The following FGGY variants were observed in gnomAD, a reference collection of about 807,000 sequenced individuals.
FGGY encodes the protein FGGY carbohydrate kinase domain-containing protein.
A neutral mutation model predicts 71.3 loss-of-function variants in FGGY; 72 were observed. The ratio of observed to expected loss-of-function variants is 1.01; its 90% CI spans 0.84 to 1.23. The LOEUF is 1.23. Ranked by LOEUF, FGGY falls within the 50% of genes most tolerant of loss-of-function variation. The pLI, the probability that FGGY is intolerant of heterozygous loss-of-function variation, is 0.00. For missense variants in FGGY, 668 were observed against 682.3 expected (o/e 0.98, Z 0.23); for synonymous variants, 251 against 250.3 (o/e 1.00, Z -0.02).
chr1:59,417,519 T>A (rs1295245822), intron 5 of FGGY, among the ~76,000 whole-genome samples: 1 of 152,220 alleles, frequency 6.6e-6, no homozygotes, highest in African/African-American at 2.4e-5. Context: ...TGAGGAAATG[T>A]CAAACTGTTT....
At chr1:59,324,265 A>G in intron 2 of FGGY, among the ~76,000 whole-genome samples, 1 of 109,434 alleles carries the variant, frequency 9.1e-6, no homozygotes, top group East Asian at 2.6e-4. Context: ...TATAATAACT[A>G]CTTTTTTTTT....
At chr1:59,547,639 A>C (rs1038982891) in intron 7 of FGGY, among the ~76,000 whole-genome samples, 1 of 152,204 alleles carries the variant, frequency 6.6e-6, no homozygotes. Context: ...TAATATTTGC[A>C]AAGTGTCAAG....
Position 59,321,730 on chromosome 1 carries a change from G to A in FGGY, c.181G>A (p.Ala61Thr). Residue 61 changes from alanine (A) to threonine (T), a missense_variant, in exon 2 of 16, where the codon GCG becomes ACG. Ala to Thr is a moderately conservative substitution (Grantham distance 58). This residue lies in a region of FGGY where 661 missense variants were observed against 661.6 expected (regional missense o/e 1.00). Coordinates refer to ENST00000303721, the MANE Select transcript of FGGY (RefSeq NM_018291.5). ...GCAGTCCTCCGAGGACATCTGGGCT[G>A]CGTGCTGTGTTGTCACAAAGGTATG... ...HEQSSEDIWA[A>T]CCVVTKKVVQ... 1 of 1,611,488 alleles carries A rather than the reference G, an allele frequency of 6.2e-7. No homozygotes were observed. The highest frequency in any genetic ancestry group is 8.5e-7 in the Non-Finnish European group (1 of 1,178,998).
intron 14 of FGGY, among the ~76,000 whole-genome samples, chr1:59,753,242 G>A (rs893653363): frequency 2.6e-5 from 4 of 151,896 alleles, no homozygotes; most frequent in Non-Finnish European, 4.4e-5. Flanking sequence ...ATATTGTTAT[G>A]TTGTGGTAAT....
At chr1:59,501,658 A>T (rs2094227069) in intron 6 of FGGY, among the ~76,000 whole-genome samples, 1 of 152,216 alleles carries the variant, frequency 6.6e-6, no homozygotes, top group Non-Finnish European at 1.5e-5. Context: ...TTGTTCTTAA[A>T]ATAACTCTAA....
At chr1:59,346,638 C>T (rs182570425) in intron 4 of FGGY, among the ~76,000 whole-genome samples, 3 of 152,086 alleles carry the variant, frequency 2.0e-5, no homozygotes, top group East Asian at 1.9e-4. Context: ...TGAAGGCCAA[C>T]GACCCTATGA....
chr1:59,463,709 G>A (rs1210003986), intron 6 of FGGY, among the ~76,000 whole-genome samples: 1 of 149,476 alleles, frequency 6.7e-6, no homozygotes, highest in Non-Finnish European at 1.5e-5. Context: ...GGCAGGGGTT[G>A]CAATCCTTGT....
At chr1:59,459,183 A>C (rs1179898484) in intron 6 of FGGY, among the ~76,000 whole-genome samples, 1 of 152,210 alleles carries the variant, frequency 6.6e-6, no homozygotes, top group Non-Finnish European at 1.5e-5. Flanking sequence ...CACCTCAGCA[A>C]CTGATGGTCT....
At chr1:59,666,005 G>A (rs1265630501) in intron 12 of FGGY, among the ~76,000 whole-genome samples, 1 of 152,096 alleles carries the variant, frequency 6.6e-6, no homozygotes, top group African/African-American at 2.4e-5. Flanking sequence ...GCTAAACTCC[G>A]ATTCTTCTTG....
chr1:59,694,741 G>C (rs534613562), intron 14 of FGGY, among the ~76,000 whole-genome samples: 6 of 151,230 alleles, frequency 4.0e-5, no homozygotes, highest in African/African-American at 1.5e-4. Flanking sequence ...GCCCAGGCTG[G>C]ACTCTAATTC....
intron 6 of FGGY, among the ~76,000 whole-genome samples, chr1:59,463,234 A>C (rs2092380702): frequency 1.3e-5 from 2 of 152,366 alleles, no homozygotes; most frequent in South Asian, 4.1e-4. Context: ...AGAATTTTCA[A>C]CACAGAATTT....
chr1:59,446,763 TG>T (rs2071361504), intron 5 of FGGY, among the ~76,000 whole-genome samples: 1 of 152,212 alleles, frequency 6.6e-6, no homozygotes, highest in African/African-American at 2.4e-5. Flanking sequence ...TGTTCTTCAC[TG>T]GCTGGTTCGA....
intron 14 of FGGY, among the ~76,000 whole-genome samples, chr1:59,757,338 C>T (rs1414445429): frequency 6.6e-6 from 1 of 152,138 alleles, no homozygotes; most frequent in Non-Finnish European, 1.5e-5. Flanking sequence ...GCCTGAGTGC[C>T]CCATTGTAAA....
At chr1:59,758,409 A>C (rs573811476) in intron 15 of FGGY, among the ~76,000 whole-genome samples, 2 of 152,236 alleles carry the variant, frequency 1.3e-5, no homozygotes, top group African/African-American at 2.4e-5. Context: ...ATATTAGTTT[A>C]CTGAATTCCT....
chr1:59,447,700 G>A (rs1362593705), intron 5 of FGGY, among the ~76,000 whole-genome samples: 1 of 152,144 alleles, frequency 6.6e-6, no homozygotes, highest in Non-Finnish European at 1.5e-5. Context: ...CCTTTCACTT[G>A]GTTCTCCTCC....
chr1:59,510,758 C>T (rs1007506940), intron 6 of FGGY, among the ~76,000 whole-genome samples: 10 of 152,182 alleles, frequency 6.6e-5, no homozygotes, highest in South Asian at 4.1e-4. Context: ...ATTCATTTTT[C>T]CAGATGAAAT....
At chr1:59,734,444 T>A (rs950639933) in intron 14 of FGGY, among the ~76,000 whole-genome samples, 1 of 152,154 alleles carries the variant, frequency 6.6e-6, no homozygotes, top group Non-Finnish European at 1.5e-5. Flanking sequence ...GCTCAAGCAA[T>A]CCACCCACCT....
intron 7 of FGGY, among the ~76,000 whole-genome samples, chr1:59,517,656 C>T (rs1333484142): frequency 2.6e-5 from 4 of 152,134 alleles, no homozygotes; most frequent in Admixed American, 6.5e-5. Context: ...CTGTGTCTTG[C>T]GCTTGCAGGT....
At chr1:59,696,495 GC>G (rs1385272252) in intron 14 of FGGY, among the ~76,000 whole-genome samples, 2 of 152,186 alleles carry the variant, frequency 1.3e-5, no homozygotes, top group Non-Finnish European at 1.5e-5. Flanking sequence ...GTATAAAAGT[GC>G]CTCATGCATA....
Sources: allele counts gnomAD v4.1 joint callset (sites outside exome capture counted in the v4.1 genomes callset), GRCh38; gene constraint gnomAD v4.1.1; regional missense constraint gnomAD v4.1.1; transcripts MANE v1.5; gene names NCBI Gene and HGNC (gene_info 2026-07-23, HGNC 2026-07-21).